Variants in WBP1L observed in about 807,000 individuals in gnomAD.
The protein encoded by WBP1L is WW domain binding protein 1-like.
In WBP1L, 17 loss-of-function variants were observed where a neutral mutation model predicts 33.7. That is an observed-to-expected ratio of 0.50 (90% CI 0.34 to 0.76). The LOEUF (loss-of-function observed/expected upper bound fraction) is 0.76, where lower values mean the gene tolerates loss of function less well. WBP1L is among the 30% of genes least tolerant of loss of function. The pLI is 0.01. For synonymous variants in WBP1L, 173 were observed against 190.8 expected, an observed-to-expected ratio of 0.91 and a Z score of 0.77; for missense variants, 389 against 469.4, an observed-to-expected ratio of 0.83 and a Z score of 1.58.
intron 3 of WBP1L, among the ~76,000 whole-genome samples, chr10:102,810,477 C>T (rs1210682887): frequency 2.2e-4 from 12 of 54,476 alleles, no homozygotes; most frequent in Admixed American, 4.3e-4. Flanking sequence ...TTCCTTCCCT[C>T]CTTCCTTCCT....
At chr10:102,800,249 G>C (rs1843636891) in intron 2 of WBP1L, among the ~76,000 whole-genome samples, 1 of 152,234 alleles carries the variant, frequency 6.6e-6, no homozygotes, top group Non-Finnish European at 1.5e-5. Flanking sequence ...CCACAGAGCT[G>C]TAGTTTGTTT....
intron 1 of WBP1L, among the ~76,000 whole-genome samples, chr10:102,795,846 A>T (rs1283765041): frequency 6.6e-6 from 1 of 152,178 alleles, no homozygotes; most frequent in Admixed American, 6.5e-5. Flanking sequence ...GAAGTCAAAG[A>T]GTGTGTGTTC....
At chr10:102,785,872 A>G (rs946092644) in intron 1 of WBP1L, among the ~76,000 whole-genome samples, 10 of 152,334 alleles carry the variant, frequency 6.6e-5, no homozygotes, top group Middle Eastern at 3.4e-3. Context: ...TCCAGGGGTG[A>G]AAGAGTGGTC....
chr10:102,745,604 GGCC>G (rs1166321993), intron 1 of WBP1L, among the ~76,000 whole-genome samples: 1 of 152,158 alleles, frequency 6.6e-6, no homozygotes, highest in East Asian at 1.9e-4. Context: ...ATGTTTATAA[GGCC>G]CATCCACATC....
chr10:102,791,952 C>T (rs983423774), intron 1 of WBP1L, among the ~76,000 whole-genome samples: 3 of 152,194 alleles, frequency 2.0e-5, no homozygotes, highest in Non-Finnish European at 4.4e-5. Flanking sequence ...TTAAATTGAC[C>T]TTTACAGTGG....
At chr10:102,750,269 C>T (rs934867204) in intron 1 of WBP1L, among the ~76,000 whole-genome samples, 2 of 151,204 alleles carry the variant, frequency 1.3e-5, no homozygotes, top group African/African-American at 4.9e-5. Flanking sequence ...TTAGCGTGCA[C>T]CTGTAATCCC....
At chr10:102,750,528 T>C (rs1337740277) in intron 1 of WBP1L, among the ~76,000 whole-genome samples, 2 of 75,410 alleles carry the variant, frequency 2.7e-5, no homozygotes, top group Non-Finnish European at 6.2e-5. Context: ...GCATATTTTC[T>C]TTTTTTTTTT....
intron 1 of WBP1L, among the ~76,000 whole-genome samples, chr10:102,784,444 G>A (rs1251146794): frequency 3.0e-5 from 1 of 32,942 alleles, no homozygotes; most frequent in Non-Finnish European, 5.9e-5. Context: ...TTTTTTTTTT[G>A]AGACAGAGTC....
At chr10:102,777,206 A>T (rs909018187) in intron 1 of WBP1L, among the ~76,000 whole-genome samples, 3 of 152,064 alleles carry the variant, frequency 2.0e-5, no homozygotes, top group African/African-American at 7.2e-5. Context: ...TCTGAGAGGC[A>T]TGTCTGTATC....
At chr10:102,762,075 A>G (rs1465827180) in intron 1 of WBP1L, among the ~76,000 whole-genome samples, 1 of 151,856 alleles carries the variant, frequency 6.6e-6, no homozygotes, top group Non-Finnish European at 1.5e-5. Flanking sequence ...TTGGTCTAGA[A>G]CTCCTGGCCT....
At chr10:102,769,359 T>C (rs951932097) in intron 1 of WBP1L, among the ~76,000 whole-genome samples, 1 of 145,556 alleles carries the variant, frequency 6.9e-6, no homozygotes, top group Non-Finnish European at 1.5e-5. Flanking sequence ...CTTTTTTCTT[T>C]CTTTTTTTTT....
intron 1 of WBP1L, among the ~76,000 whole-genome samples, chr10:102,749,758 G>T (rs1459873061): frequency 2.0e-5 from 3 of 151,904 alleles, no homozygotes; most frequent in Non-Finnish European, 2.9e-5. Flanking sequence ...CACTGTTCCT[G>T]GCCCTCCATA....
At chr10:102,764,057 G>A (rs941671754) in intron 1 of WBP1L, among the ~76,000 whole-genome samples, 1 of 151,544 alleles carries the variant, frequency 6.6e-6, no homozygotes, top group Non-Finnish European at 1.5e-5. Context: ...CAGGTGATCC[G>A]CCTGCCTCGG....
chr10:102,792,871 A>G (rs1407530451), intron 1 of WBP1L, among the ~76,000 whole-genome samples: 3 of 152,070 alleles, frequency 2.0e-5, no homozygotes, highest in African/African-American at 7.2e-5. Context: ...CTGGAATTAC[A>G]GACGTGAGCC....
At chr10:102,794,375 A>C (rs952919371) in intron 1 of WBP1L, among the ~76,000 whole-genome samples, 1 of 152,170 alleles carries the variant, frequency 6.6e-6, no homozygotes, top group African/African-American at 2.4e-5. Flanking sequence ...GCTACTCGGG[A>C]GGCTGAGGCA....
At chr10:102,763,207 C>CAA (rs36003893) in intron 1 of WBP1L, among the ~76,000 whole-genome samples, 13,424 of 93,820 alleles carry the variant, frequency 0.14, 1,301 homozygotes, top group Middle Eastern at 0.22. Context: ...ACTTTTGTCT[C>CAA]AAAAAAAAAA....
At chr10:102,760,217 C>T (rs1406322897) in intron 1 of WBP1L, among the ~76,000 whole-genome samples, 1 of 152,124 alleles carries the variant, frequency 6.6e-6, no homozygotes, top group Non-Finnish European at 1.5e-5. Flanking sequence ...GGCCAGAGCT[C>T]TTCCCAGTGA....
At chr10:102,769,998 A>T (rs940774017) in intron 1 of WBP1L, among the ~76,000 whole-genome samples, 1 of 152,188 alleles carries the variant, frequency 6.6e-6, no homozygotes, top group Non-Finnish European at 1.5e-5. Context: ...GGCCTGCTAC[A>T]TGCCTGCCTT....
At chr10:102,802,113 CTCCTTCCTTCCTTCCTTCCT>C (rs35674135) in intron 2 of WBP1L, among the ~76,000 whole-genome samples, 1 of 67,876 alleles carries the variant, frequency 1.5e-5, no homozygotes, top group African/African-American at 6.0e-5. Context: ...CTTCCACCTT[CTCCTTCCTTCCTTCCTTCCT>C]TCCTTCCTTC....
Sources: allele counts gnomAD v4.1 joint callset (sites outside exome capture counted in the v4.1 genomes callset), GRCh38; gene constraint gnomAD v4.1.1; transcripts MANE v1.5; gene names NCBI Gene and HGNC (gene_info 2026-07-23, HGNC 2026-07-21).